Variants in CAPN13 observed in about 807,000 individuals in gnomAD.
The protein encoded by CAPN13 is calpain-13.
CAPN13 carries 90 observed loss-of-function variants against 98.4 expected under a neutral mutation model. The observed-to-expected ratio is 0.92, with a 90% CI of 0.77 to 1.09. The LOEUF (loss-of-function observed/expected upper bound fraction) is 1.09. Ranked by LOEUF, CAPN13 falls within the 50% of genes least tolerant of loss-of-function variation. The pLI, the probability that CAPN13 is intolerant of heterozygous loss-of-function variation, is 0.00. For missense variants in CAPN13, 887 were observed against 841.3 expected, an observed-to-expected ratio of 1.05 and a Z score of -0.67; for synonymous variants, 330 against 305.5, an observed-to-expected ratio of 1.08 and a Z score of -0.84.
rs749944243 is a variant in CAPN13, at chr2:30,775,969, T to C, written c.348A>G (p.Gln116=). 2 of 1,612,460 alleles carry C rather than the reference T, an allele frequency of 1.2e-6. No homozygotes were observed. Among genetic ancestry groups the C allele is most frequent in the Admixed American group, 1.7e-5 (1 of 59,874 alleles). Residue 116 remains glutamine (Q), a synonymous_variant, in exon 4 of 23, where the codon CAA becomes CAG. Transcript: ENST00000295055. ...PQYRQKILMV[Q]SFSHQYAGIF... ...TGCCAGCATACTGGTGTGAAAAGCT[T>C]TGGACCATCAGGATCTTCTGCCTGT...
At chr2:30,744,144 G>A (rs368637963) in intron 12 of CAPN13, among the ~76,000 whole-genome samples, 2 of 152,144 alleles carry the variant, frequency 1.3e-5, no homozygotes, top group African/African-American at 4.8e-5. Context: ...ATTACCAGAT[G>A]TCACATACAT....
chr2:30,754,977 A>G (rs1672370806), intron 8 of CAPN13, among the ~76,000 whole-genome samples: 1 of 152,148 alleles, frequency 6.6e-6, no homozygotes, highest in East Asian at 1.9e-4. Flanking sequence ...GTGGTTCCAT[A>G]TTATTCTTAA....
At chr2:30,774,887 C>G (rs1412930421) in intron 4 of CAPN13, among the ~76,000 whole-genome samples, 1 of 151,854 alleles carries the variant, frequency 6.6e-6, no homozygotes, top group East Asian at 1.9e-4. Flanking sequence ...ACAAAAATTC[C>G]AAGACAATTT....
chr2:30,741,625 A>G (rs552595402), intron 15 of CAPN13: 1 of 1,206,286 alleles, frequency 8.3e-7, no homozygotes, highest in East Asian at 4.1e-5. Flanking sequence ...TTGTTTAAAG[A>G]TTTAGAGGGC....
chr2:30,772,317 G>C (rs542127601), intron 4 of CAPN13, among the ~76,000 whole-genome samples: 1 of 152,308 alleles, frequency 6.6e-6, no homozygotes, highest in African/African-American at 2.4e-5. Context: ...GAGTGTTTTA[G>C]GCAAAGCATC....
At chr2:30,768,013 A>G (rs988739516) in intron 5 of CAPN13, among the ~76,000 whole-genome samples, 5 of 152,178 alleles carry the variant, frequency 3.3e-5, no homozygotes, top group East Asian at 1.9e-4. Context: ...TTCTGGACCT[A>G]TGATGCTCTC....
At chr2:30,772,048 A>G (rs1437440707) in intron 4 of CAPN13, among the ~76,000 whole-genome samples, 2 of 152,232 alleles carry the variant, frequency 1.3e-5, no homozygotes, top group Admixed American at 6.5e-5. Context: ...CATCTTAAAA[A>G]TAACTCTTCG....
intron 4 of CAPN13, among the ~76,000 whole-genome samples, chr2:30,774,746 T>C (rs527870958): frequency 3.9e-5 from 6 of 152,310 alleles, no homozygotes; most frequent in Admixed American, 3.3e-4. Flanking sequence ...AATCAATGAT[T>C]AGCTCTCATT....
chr2:30,744,912 G>A (rs1671833255), intron 12 of CAPN13, among the ~76,000 whole-genome samples: 1 of 152,178 alleles, frequency 6.6e-6, no homozygotes, highest in Non-Finnish European at 1.5e-5. Flanking sequence ...GCACCTGAGT[G>A]CTTCTCTCAA....
intron 1 of CAPN13, among the ~76,000 whole-genome samples, chr2:30,790,171 C>T (rs1674529186): frequency 6.6e-6 from 1 of 152,224 alleles, no homozygotes; most frequent in Admixed American, 6.5e-5. Context: ...CCCACAACAC[C>T]TGACAACATT....
chr2:30,761,394 G>A (rs992490210), intron 7 of CAPN13, among the ~76,000 whole-genome samples: 4 of 152,188 alleles, frequency 2.6e-5, no homozygotes, highest in African/African-American at 9.7e-5. Context: ...CCAAACGGCA[G>A]CTGAGCCCAC....
chr2:30,796,138 A>ATG lies in CAPN13; in HGVS notation c.-32-8783_-32-8782dup, dbSNP rs1229135943. 1.4e-3 allele frequency among the ~76,000 whole-genome samples: 199 copies of ATG among 138,140 alleles called. 1 individual carries two copies. Among genetic ancestry groups the ATG allele is most frequent in the South Asian group, 9.9e-3 (44 of 4,456 alleles). 90.6% of individuals were successfully genotyped at this position (138,140 alleles called of 152,430 possible). A position where few individuals can be genotyped will look rare whatever the true frequency, so the allele number is the denominator to read the frequency against. ...TGCAGGAAGAGAATTACATATATAT[A>ATG]TGTGTGTATATATATATATACATAT... On this transcript the variant is annotated intron_variant, in intron 1 of 22. Transcript: ENST00000295055.
chr2:30,770,571 A>T, intron 4 of CAPN13, 122 bp from the exon 5 acceptor site: 1 of 1,215,138 alleles, frequency 8.2e-7, no homozygotes, highest in Non-Finnish European at 1.1e-6. Context: ...TCTATTCCGA[A>T]CAAAATCCCA....
At chr2:30,729,993 A>G (rs1163740084) in intron 22 of CAPN13, 1 of 152,198 alleles carries the variant, frequency 6.6e-6, no homozygotes, top group Non-Finnish European at 1.5e-5. Flanking sequence ...TTTTTTCTAC[A>G]GTGGTCCAGA....
chr2:30,738,176 G>A (rs754515745), intron 17 of CAPN13, 59 bp downstream of exon 17: 2 of 1,579,422 alleles, frequency 1.3e-6, no homozygotes, highest in South Asian at 1.1e-5. Context: ...TAGGTCTCTG[G>A]GGAAGCCCAC....
intron 7 of CAPN13, among the ~76,000 whole-genome samples, chr2:30,761,092 A>C (rs1453304277): frequency 1.3e-5 from 2 of 152,204 alleles, no homozygotes; most frequent in African/African-American, 4.8e-5. Flanking sequence ...GGAGTCCTTA[A>C]AATGTGAATG....
chr2:30,741,528 T>G (rs749252896), intron 15 of CAPN13: 7 of 1,058,110 alleles, frequency 6.6e-6, no homozygotes, highest in Non-Finnish European at 8.0e-6. Context: ...TTTCTGAAGC[T>G]GGCTAGCTCC....
At chr2:30,746,081 T>C (rs2147978005) in intron 11 of CAPN13, among the ~76,000 whole-genome samples, 1 of 152,118 alleles carries the variant, frequency 6.6e-6, no homozygotes, top group Non-Finnish European at 1.5e-5. Context: ...TTGTTTTTAG[T>C]AGAGACGGGG....
chr2:30,790,240 G>A (rs1232259451), intron 1 of CAPN13, among the ~76,000 whole-genome samples: 1 of 152,166 alleles, frequency 6.6e-6, no homozygotes, highest in East Asian at 1.9e-4. Context: ...CTTTTGGGAG[G>A]GCTTTCTGCT....
Sources: gnomAD v4.1 joint callset for allele counts (sites outside exome capture counted in the v4.1 genomes callset) on GRCh38, gnomAD v4.1.1 for gene constraint, MANE v1.5 for transcripts, NCBI Gene and HGNC (gene_info 2026-07-23, HGNC 2026-07-21) for gene names.